Variants in GLI2 observed in about 807,000 individuals in gnomAD.
GLI2 encodes the protein transcription activator GLI2.
Under a neutral mutation model 78.9 loss-of-function variants are expected in GLI2, and 22 were observed. The observed-to-expected ratio is 0.28, with a 90% CI of 0.20 to 0.40. The LOEUF is 0.40. GLI2 is among the 10% of genes least tolerant of loss of function. GLI2 has a pLI of 1.00. For synonymous variants in GLI2, 974 were observed against 963.7 expected, an observed-to-expected ratio of 1.01 and a Z score of -0.20; for missense variants, 2,097 against 2,213.2, an observed-to-expected ratio of 0.95 and a Z score of 1.05.
At chr2:120,746,701 G>GC (rs1371363306) in intron 1 of GLI2, among the ~76,000 whole-genome samples, 2 of 152,044 alleles carry the variant, frequency 1.3e-5, no homozygotes, top group Non-Finnish European at 2.9e-5. Flanking sequence ...AACATTATTT[G>GC]CCCCCCAAGA....
intron 2 of GLI2, among the ~76,000 whole-genome samples, chr2:120,814,129 T>G: frequency 6.6e-6 from 1 of 152,098 alleles, no homozygotes; most frequent in South Asian, 2.1e-4. Context: ...CCACTGAGGG[T>G]TCCTTTTGCA....
At chr2:120,892,889 C>T (rs964030270) in intron 2 of GLI2, among the ~76,000 whole-genome samples, 2 of 152,224 alleles carry the variant, frequency 1.3e-5, no homozygotes, top group African/African-American at 4.8e-5. Flanking sequence ...ACCACTTGCA[C>T]TCACATCCTT....
Position 120,947,448 on chromosome 2 carries a change from G to A in GLI2, c.255-3795G>A, listed in dbSNP as rs143251614. ...CAGCCCTACCCTGGGGAGATACCAG[G>A]TAAGAGCACGGCTGTGATCTCACTG... On this transcript the variant is annotated intron_variant, in intron 3 of 13. Coordinates refer to ENST00000361492, the MANE Select transcript of GLI2 (RefSeq NM_001374353.1). Among the ~76,000 whole-genome samples, 279 of 152,340 alleles carry A rather than the reference G, an allele frequency of 1.8e-3. 3 individuals are homozygous for A. In the Middle Eastern group the frequency reaches 0.02, roughly 11 times the overall value.
chr2:120,891,697 T>C (rs1441475717), intron 2 of GLI2, among the ~76,000 whole-genome samples: 1 of 152,170 alleles, frequency 6.6e-6, no homozygotes, highest in Non-Finnish European at 1.5e-5. Flanking sequence ...GCTATGCTCC[T>C]GGCTCCAGTA....
intron 2 of GLI2, among the ~76,000 whole-genome samples, chr2:120,802,989 A>G (rs1684772367): frequency 1.3e-5 from 2 of 152,254 alleles, no homozygotes; most frequent in Admixed American, 1.3e-4. Context: ...CCTCTTGGTG[A>G]TTCTGATACA....
chr2:120,858,115 A>G (rs1687745387), intron 2 of GLI2, among the ~76,000 whole-genome samples: 1 of 152,166 alleles, frequency 6.6e-6, no homozygotes, highest in Admixed American at 6.5e-5. Context: ...CTGAGTGCTC[A>G]GGGGGCGGGG....
At chr2:120,780,510 T>C (rs1388262269) in intron 1 of GLI2, among the ~76,000 whole-genome samples, 1 of 152,146 alleles carries the variant, frequency 6.6e-6, no homozygotes, top group Non-Finnish European at 1.5e-5. Context: ...TCCAGCAGCG[T>C]GGGGTGTGTC....
intron 2 of GLI2, among the ~76,000 whole-genome samples, chr2:120,871,777 C>A (rs1688444018): frequency 6.6e-6 from 1 of 152,166 alleles, no homozygotes; most frequent in Non-Finnish European, 1.5e-5. Flanking sequence ...TTCAATGTAG[C>A]AATTTGTCTT....
intron 2 of GLI2, among the ~76,000 whole-genome samples, chr2:120,836,864 A>C (rs1686636724): frequency 6.6e-6 from 1 of 152,230 alleles, no homozygotes; most frequent in Non-Finnish European, 1.5e-5. Flanking sequence ...TTGCTCTCCA[A>C]AGTGGCTGCA....
At chr2:120,929,012 G>C (rs780378662) in intron 3 of GLI2, among the ~76,000 whole-genome samples, 1 of 152,062 alleles carries the variant, frequency 6.6e-6, no homozygotes, top group Admixed American at 6.6e-5. Context: ...AGACTCCTTC[G>C]TCATCTCCTG....
At chr2:120,869,053 G>A (rs1329130651) in intron 2 of GLI2, among the ~76,000 whole-genome samples, 1 of 152,208 alleles carries the variant, frequency 6.6e-6, no homozygotes, top group Non-Finnish European at 1.5e-5. Context: ...ACTGGGCCAA[G>A]AGTTCTCTAT....
At chr2:120,847,761 C>CGGG (rs138384184) in intron 2 of GLI2, among the ~76,000 whole-genome samples, 45 of 103,848 alleles carry the variant, frequency 4.3e-4, no homozygotes, top group African/African-American at 1.6e-3. Flanking sequence ...GGGGCAGGGG[C>CGGG]GGGGGGGCGG....
chr2:120,946,445 G>A (rs1158977949), intron 3 of GLI2, among the ~76,000 whole-genome samples: 1 of 152,188 alleles, frequency 6.6e-6, no homozygotes, highest in African/African-American at 2.4e-5. Flanking sequence ...TATCTGTGAT[G>A]TAGGAGACTG....
At position 120,986,412 on chromosome 2, in the gene GLI2, G is replaced by C; in HGVS notation, c.2040G>C (p.Leu680=). 1.2e-6 allele frequency: 2 copies of C among 1,613,852 alleles called. No individual in the cohort carries two copies. The highest frequency in any genetic ancestry group is 1.7e-6 in the Non-Finnish European group (2 of 1,180,018). The part of the protein sequence containing the change: ...GPGSLGDLTA[L]DDTPPGADTS... ...GGAGCCTGGGAGACCTGACGGCACTGGATGACACACCCCCAGGGGCCGACA... is the reference window on the plus strand; with the variant it reads ...GGAGCCTGGGAGACCTGACGGCACTCGATGACACACCCCCAGGGGCCGACA... Residue 680 remains leucine (L), a synonymous_variant, in exon 13 of 14, where the codon CTG becomes CTC. Transcript: ENST00000361492.
intron 2 of GLI2, among the ~76,000 whole-genome samples, chr2:120,861,211 G>A (rs1367608101): frequency 6.6e-6 from 1 of 152,224 alleles, no homozygotes; most frequent in African/African-American, 2.4e-5. Context: ...GTGACGGAGT[G>A]CGAATTCCAT....
chr2:120,849,036 A>G (rs561465978), intron 2 of GLI2, among the ~76,000 whole-genome samples: 2 of 152,250 alleles, frequency 1.3e-5, no homozygotes, highest in Non-Finnish European at 2.9e-5. Context: ...ATGCTGCAAC[A>G]TGGATGAACC....
chr2:120,815,404 C>A (rs975572928), intron 2 of GLI2, among the ~76,000 whole-genome samples: 1 of 152,108 alleles, frequency 6.6e-6, no homozygotes, highest in African/African-American at 2.4e-5. Context: ...AAGTTGGGGG[C>A]GGAAGTGAGA....
intron 9 of GLI2, among the ~76,000 whole-genome samples, chr2:120,976,633 C>T (rs1184286656): frequency 2.0e-5 from 3 of 152,234 alleles, no homozygotes; most frequent in African/African-American, 4.8e-5. Context: ...ATGTCAAAGA[C>T]GTGCTCTGTG....
At chr2:120,940,395 C>G (rs1287148483) in intron 3 of GLI2, among the ~76,000 whole-genome samples, 1 of 152,156 alleles carries the variant, frequency 6.6e-6, no homozygotes, top group Non-Finnish European at 1.5e-5. Context: ...TACAACATGT[C>G]CTTATTCAGC....
Sources: gnomAD v4.1 joint callset for allele counts (sites outside exome capture counted in the v4.1 genomes callset) on GRCh38, gnomAD v4.1.1 for gene constraint, MANE v1.5 for transcripts, NCBI Gene and HGNC (gene_info 2026-07-23, HGNC 2026-07-21) for gene names.